The following LINGO2 variants were observed in gnomAD, a reference collection of about 807,000 sequenced individuals.
LINGO2 encodes the protein leucine rich repeat and Ig domain containing 2.
In LINGO2, 14 loss-of-function variants were observed where a neutral mutation model predicts 30.6. The ratio of observed to expected loss-of-function variants is 0.46; its 90% CI spans 0.30 to 0.72. LINGO2 has a LOEUF of 0.72. LINGO2 is among the 30% of genes least tolerant of loss of function. The pLI, the probability that LINGO2 is intolerant of heterozygous loss-of-function variation, is 0.07. For missense variants in LINGO2, 729 were observed against 751.7 expected (o/e 0.97, Z 0.35); for synonymous variants, 317 against 288.5 (o/e 1.10, Z -1.00).
exon 6 of LINGO2, chr9:27,949,522 C>T (rs1345496933): frequency 6.2e-7 from 1 of 1,614,056 alleles, no homozygotes; most frequent in South Asian, 1.1e-5. Flanking sequence ...GTGTCTGGGC[C>T]AGCACACATA....
chr9:29,038,090 C>T, the LINGO2 span, among the ~76,000 whole-genome samples: 26 of 151,936 alleles, frequency 1.7e-4, 1 homozygote, highest in East Asian at 2.5e-3. Flanking sequence ...ATATTCTTGT[C>T]AATATCTCTA....
At chr9:28,435,913 A>G (rs566948185) in intron 2 of LINGO2, among the ~76,000 whole-genome samples, 2 of 152,338 alleles carry the variant, frequency 1.3e-5, no homozygotes, top group South Asian at 4.1e-4. Flanking sequence ...GTGAGATTTT[A>G]GAACAGTAAA....
At chr9:28,482,283 C>T (rs992462792) in intron 1 of LINGO2, among the ~76,000 whole-genome samples, 1 of 151,956 alleles carries the variant, frequency 6.6e-6, no homozygotes, top group African/African-American at 2.4e-5. Context: ...TCTCCAGCAC[C>T]TGTTGTTTCC....
At chr9:28,680,576 C>A in the LINGO2 span, among the ~76,000 whole-genome samples, 589 of 152,136 alleles carry the variant, frequency 3.9e-3, 6 homozygotes, top group Middle Eastern at 0.014. Context: ...ATATTTCCAA[C>A]AACAGTATAC....
In LINGO2 at chr9:28,660,379, A is replaced by C. The variant is rs184548024; in HGVS notation, c.-365+9821T>G. On this transcript the variant is annotated intron_variant, in intron 1 of 5. Coordinates refer to ENST00000379992, the Ensembl canonical transcript of LINGO2. ...TAGATAAATAAAAAACAAAAATAACAGTGAAGACATAATAAAAATATGGTA... is the reference window on the plus strand; with the variant it reads ...TAGATAAATAAAAAACAAAAATAACCGTGAAGACATAATAAAAATATGGTA... Among the ~76,000 whole-genome samples the C allele has an allele frequency of 5.6e-4, 85 of 152,252 alleles. 2 individuals carry two copies. Among genetic ancestry groups the C allele is most frequent in the Non-Finnish European group, 3.4e-4 (23 of 67,976 alleles).
chr9:28,933,915 G>A, the LINGO2 span, among the ~76,000 whole-genome samples: 1 of 152,018 alleles, frequency 6.6e-6, no homozygotes, highest in East Asian at 1.9e-4. Context: ...ATTTATTATG[G>A]AAGTGTACTC....
the LINGO2 span, among the ~76,000 whole-genome samples, chr9:29,143,510 A>G: frequency 2.5e-4 from 38 of 152,268 alleles, no homozygotes; most frequent in African/African-American, 8.4e-4. Context: ...AAATTTACAC[A>G]TATATAATGA....
At chr9:28,232,419 C>CAAA (rs1220539550) in intron 4 of LINGO2, among the ~76,000 whole-genome samples, 98 of 79,130 alleles carry the variant, frequency 1.2e-3, no homozygotes, top group African/African-American at 2.0e-3. Flanking sequence ...TTCTATCTCA[C>CAAA]AAAAAAAAAA....
intron 4 of LINGO2, among the ~76,000 whole-genome samples, chr9:28,051,265 T>TA (rs1824658929): frequency 6.6e-6 from 1 of 152,044 alleles, no homozygotes; most frequent in Admixed American, 6.6e-5. Context: ...AGAATATAGC[T>TA]AGATACAGTA....
chr9:28,631,522 G>A (rs1826939963), intron 1 of LINGO2, among the ~76,000 whole-genome samples: 1 of 152,048 alleles, frequency 6.6e-6, no homozygotes, highest in African/African-American at 2.4e-5. Flanking sequence ...CCCACTTCTT[G>A]TTTTTGTCAG....
Position 28,232,608 on chromosome 9 carries a change from T to G in LINGO2, c.-87+62600A>C, listed in dbSNP as rs142140327. Among the ~76,000 whole-genome samples, 25 of 152,248 alleles carry G rather than the reference T, an allele frequency of 1.6e-4. 1 individual carries two copies. Among genetic ancestry groups the G allele is most frequent in the East Asian group, 1.9e-4 (1 of 5,168 alleles). ...CCTCACATAACTCATCATTATTTTG[T>G]GTGTGGTGAGAACATTTAAGAACCA... On this transcript the variant is annotated intron_variant, in intron 4 of 5. Coordinates refer to ENST00000379992, the Ensembl canonical transcript of LINGO2.
intron 1 of LINGO2, among the ~76,000 whole-genome samples, chr9:28,519,941 T>A (rs916026166): frequency 1.3e-5 from 2 of 152,220 alleles, no homozygotes; most frequent in African/African-American, 4.8e-5. Context: ...TACTTTCATA[T>A]ACAAAGTGAG....
intron 1 of LINGO2, among the ~76,000 whole-genome samples, chr9:28,617,314 G>A (rs528668855): frequency 7.6e-6 from 1 of 131,336 alleles, no homozygotes; most frequent in East Asian, 2.1e-4. Context: ...TTTTTTTTTC[G>A]AGACAGAGTC....
chr9:28,046,178 G>A (rs1333195363), intron 4 of LINGO2, among the ~76,000 whole-genome samples: 1 of 152,158 alleles, frequency 6.6e-6, no homozygotes, highest in African/African-American at 2.4e-5. Context: ...TATTTCAATA[G>A]CTAACTTCCC....
At chr9:28,604,101 C>T (rs1294241642) in intron 1 of LINGO2, among the ~76,000 whole-genome samples, 8 of 151,896 alleles carry the variant, frequency 5.3e-5, no homozygotes, top group Admixed American at 5.3e-4. Flanking sequence ...TCTATATATG[C>T]CTTAATTCCA....
chr9:28,760,404 C>G, the LINGO2 span, among the ~76,000 whole-genome samples: 2 of 152,000 alleles, frequency 1.3e-5, no homozygotes, highest in Non-Finnish European at 2.9e-5. Context: ...GAGTACCTTT[C>G]TTCAGTCTGA....
intron 3 of LINGO2, among the ~76,000 whole-genome samples, chr9:28,307,264 G>C (rs1422707497): frequency 2.6e-5 from 4 of 152,156 alleles, no homozygotes; most frequent in Non-Finnish European, 4.4e-5. Flanking sequence ...GGGATGCAAG[G>C]CTGGTTCAAT....
the LINGO2 span, among the ~76,000 whole-genome samples, chr9:28,708,666 G>C: frequency 9.2e-5 from 14 of 151,924 alleles, no homozygotes; most frequent in African/African-American, 3.4e-4. Flanking sequence ...CTATGTACAC[G>C]GTGCTTCTTC....
downstream of LINGO2, among the ~76,000 whole-genome samples, chr9:27,944,905 A>C (rs985858061): frequency 6.6e-6 from 1 of 152,194 alleles, no homozygotes; most frequent in African/African-American, 2.4e-5. Flanking sequence ...AAGGAAGAAC[A>C]TAATCTCTGA....
Sources: allele counts gnomAD v4.1 joint callset (sites outside exome capture counted in the v4.1 genomes callset), GRCh38; gene constraint gnomAD v4.1.1; transcripts MANE v1.5; gene names NCBI Gene and HGNC (gene_info 2026-07-23, HGNC 2026-07-21).